Variants in MCU observed in about 807,000 individuals in gnomAD.
MCU encodes mitochondrial calcium uniporter, also known as calcium uniporter protein, mitochondrial.
In MCU, 12 loss-of-function variants were observed where a neutral mutation model predicts 45.2. The observed-to-expected ratio is 0.27, with a 90% CI of 0.17 to 0.43. The LOEUF is 0.43. MCU is among the 20% of genes least tolerant of loss of function. MCU has a pLI of 1.00. For synonymous variants in MCU, 160 were observed against 165.1 expected (o/e 0.97, Z 0.24); for missense variants, 324 against 436.7 (o/e 0.74, Z 2.30).
At chr10:72,715,894 C>CTCA (rs1211093060) in intron 1 of MCU, 1 of 985,358 alleles carries the variant, frequency 1.0e-6, no homozygotes, top group Non-Finnish European at 1.2e-6. Flanking sequence ...GAAACTTGAA[C>CTCA]ATTCGCAGGT....
Position 72,848,768 on chromosome 10 carries a change from A to G in MCU, c.221-10409A>G, listed in dbSNP as rs372572333. On this transcript the variant is annotated intron_variant, in intron 2 of 7. Coordinates refer to ENST00000373053, the MANE Select transcript of MCU (RefSeq NM_138357.3). ...TGTCTGCCTGTGCGTGTGTGTATGT[A>G]TAAATGGATGGAAATGGTAAACACC... Among the ~76,000 whole-genome samples the G allele has an allele frequency of 2.4e-4, 37 of 152,198 alleles. No homozygotes were observed. The East Asian group carries it at 3.1e-3, about 13-fold the overall frequency.
rs146922982 is a variant in MCU at position 72,772,362 on chromosome 10, G to T, written c.151-61997G>T. Among the ~76,000 whole-genome samples, 9 of 152,328 alleles carry T rather than the reference G, an allele frequency of 5.9e-5. No homozygotes were observed. The East Asian group carries it at 1.7e-3, about 29-fold the overall frequency. Reference sequence around the variant, plus strand: ...TTCCTAGAGCTGAAAAGGAGGCAGTGACTTAGCAATATTGATTCACTAAGC... The same window carrying T: ...TTCCTAGAGCTGAAAAGGAGGCAGTTACTTAGCAATATTGATTCACTAAGC... On this transcript the variant is annotated intron_variant, in intron 1 of 7. Transcript: ENST00000373053.
chr10:72,786,639 G>A (rs1844075628), intron 1 of MCU, among the ~76,000 whole-genome samples: 1 of 152,076 alleles, frequency 6.6e-6, no homozygotes, highest in Non-Finnish European at 1.5e-5. Flanking sequence ...CCAGCTACTC[G>A]GGAGATTGAG....
At chr10:72,755,751 C>G (rs144744964) in intron 1 of MCU, among the ~76,000 whole-genome samples, 145 of 151,956 alleles carry the variant, frequency 9.5e-4, no homozygotes, top group African/African-American at 2.9e-3. Flanking sequence ...CTCTTCAACC[C>G]TTGTTGTTGT....
chr10:72,817,353 T>C (rs1158983222), intron 1 of MCU, among the ~76,000 whole-genome samples: 2 of 152,202 alleles, frequency 1.3e-5, no homozygotes, highest in Non-Finnish European at 2.9e-5. Flanking sequence ...AATTTTACTT[T>C]ATTTTCTTTT....
chr10:72,743,269 T>C (rs1843361160), intron 1 of MCU, among the ~76,000 whole-genome samples: 1 of 151,344 alleles, frequency 6.6e-6, no homozygotes, highest in Non-Finnish European at 1.5e-5. Flanking sequence ...AAATAAATGC[T>C]AGGCATGGTG....
intron 1 of MCU, among the ~76,000 whole-genome samples, chr10:72,799,793 G>C (rs1844312019): frequency 6.6e-6 from 1 of 151,560 alleles, no homozygotes; most frequent in South Asian, 2.1e-4. Context: ...TATGTCATTG[G>C]CCATTTGTAT....
At chr10:72,714,461 G>T in intron 1 of MCU, among the ~76,000 whole-genome samples, 1 of 146,796 alleles carries the variant, frequency 6.8e-6, no homozygotes, top group Non-Finnish European at 1.5e-5. Context: ...TTGAATAGTT[G>T]GGACTATAGG....
intron 1 of MCU, among the ~76,000 whole-genome samples, chr10:72,717,489 C>T (rs545219437): frequency 6.6e-6 from 1 of 152,204 alleles, no homozygotes; most frequent in South Asian, 2.1e-4. Flanking sequence ...AAACTCCTGA[C>T]CTCAGGTGAT....
At chr10:72,827,605 A>G (rs1214488496) in intron 1 of MCU, among the ~76,000 whole-genome samples, 1 of 152,118 alleles carries the variant, frequency 6.6e-6, no homozygotes, top group Admixed American at 6.5e-5. Flanking sequence ...TGGTTTTTGA[A>G]ATGTGTTATA....
chr10:72,770,181 T>A (rs570909382), intron 1 of MCU, among the ~76,000 whole-genome samples: 11 of 152,314 alleles, frequency 7.2e-5, no homozygotes, highest in African/African-American at 2.6e-4. Flanking sequence ...ATTTCAATCC[T>A]TTTAAATTTA....
chr10:72,739,681 A>C (rs1461879968), intron 1 of MCU, among the ~76,000 whole-genome samples: 1 of 152,082 alleles, frequency 6.6e-6, no homozygotes, highest in East Asian at 1.9e-4. Context: ...GAAGTTAGCC[A>C]ATGAAGAACA....
intron 1 of MCU, among the ~76,000 whole-genome samples, chr10:72,723,533 AAGAAT>A (rs1452787119): frequency 5.9e-5 from 9 of 152,208 alleles, no homozygotes; most frequent in Non-Finnish European, 1.3e-4. Flanking sequence ...GCTTTGATAA[AAGAAT>A]AGGTCATCTT....
rs1844753300 is a variant in MCU at position 72,823,955 on chromosome 10, G to A, written c.151-10404G>A. ...TATCCCAGCTACTCAGGAGGCTGAG[G>A]CAGGAGGATCACTTGAGCCCAGGAG... On this transcript the variant is annotated intron_variant, in intron 1 of 7. Coordinates refer to ENST00000373053, the MANE Select transcript of MCU (RefSeq NM_138357.3). Among the ~76,000 whole-genome samples the A allele has an allele frequency of 2.0e-5, 3 of 152,176 alleles. No individual in the cohort carries two copies. The South Asian group carries it at 6.2e-4, about 32-fold the overall frequency.
intron 1 of MCU, among the ~76,000 whole-genome samples, chr10:72,804,020 AT>A (rs1219317424): frequency 6.8e-3 from 23 of 3,378 alleles, no homozygotes; most frequent in African/African-American, 6.4e-3. Context: ...GTAAGTAAAT[AT>A]ATATATATAT....
chr10:72,830,166 G>A (rs899559324), intron 1 of MCU, among the ~76,000 whole-genome samples: 1 of 152,184 alleles, frequency 6.6e-6, no homozygotes, highest in African/African-American at 2.4e-5. Flanking sequence ...CTGTTGTGAT[G>A]TGAAAGTAGT....
chr10:72,827,837 A>G (rs1246897017), intron 1 of MCU, among the ~76,000 whole-genome samples: 3 of 152,176 alleles, frequency 2.0e-5, no homozygotes, highest in African/African-American at 7.2e-5. Flanking sequence ...CAAGGTAGTG[A>G]GTTGTGGAAG....
chr10:72,820,567 A>G (rs1026417479), intron 1 of MCU, among the ~76,000 whole-genome samples: 2 of 151,092 alleles, frequency 1.3e-5, no homozygotes, highest in African/African-American at 2.4e-5. Flanking sequence ...CTGGAGTGCA[A>G]TGGTGCGATC....
At position 72,692,212 on chromosome 10, in the gene MCU, G is replaced by A; in HGVS notation, c.61G>A (p.Gly21Arg). 1 of 1,251,970 alleles carries A rather than the reference G, an allele frequency of 8.0e-7. No individual in the cohort carries two copies. 77.6% of individuals were successfully genotyped at this position (1,251,970 alleles called of 1,614,324 possible). ...LLLSSRGGGG[G>R]GAGGCGALTA... ...CCTCTCCTCTCGGGGCGGCGGCGGC[G>A]GGGGCGCCGGCGGCTGCGGGGCGCT... is the stretch of plus-strand genomic sequence containing the variant. The change falls in exon 1 of 8, where the codon GGG becomes AGG. Residue 21 changes from glycine to arginine, a missense_variant. Gly to Arg is a moderately radical substitution (Grantham distance 125, BLOSUM62 -2). This residue lies in a region of MCU where 111 missense variants were observed against 112.3 expected (regional missense o/e 0.99). Transcript: ENST00000373053.
Sources: gnomAD v4.1 joint callset for allele counts (sites outside exome capture counted in the v4.1 genomes callset) on GRCh38, gnomAD v4.1.1 for gene constraint, gnomAD v4.1.1 regional missense constraint, MANE v1.5 for transcripts, NCBI Gene and HGNC (gene_info 2026-07-23, HGNC 2026-07-21) for gene names.